The following RORA variants were observed in gnomAD, a reference collection of about 807,000 sequenced individuals.
RORA encodes nuclear receptor ROR-alpha.
In RORA, 7 loss-of-function variants were observed where a neutral mutation model predicts 69.5. That is an observed-to-expected ratio of 0.10 (90% CI 0.06 to 0.19). The LOEUF (loss-of-function observed/expected upper bound fraction) is 0.19, where lower values mean the gene tolerates loss of function less well. Among genes scored for constraint, RORA ranks in the 10% least tolerant of loss-of-function variants. The pLI is 1.00. For missense variants in RORA, 457 were observed against 663.0 expected (o/e 0.69, Z 3.41); for synonymous variants, 261 against 240.8 (o/e 1.08, Z -0.78).
intron 1 of RORA, among the ~76,000 whole-genome samples, chr15:60,852,974 C>G (rs79617268): frequency 0.012 from 1,799 of 152,350 alleles, 23 homozygotes; most frequent in Non-Finnish European, 0.019. Context: ...GCATCTCCCC[C>G]TGAAAGATTG....
chr15:60,940,010 T>G (rs1892644201), intron 1 of RORA, among the ~76,000 whole-genome samples: 2 of 152,230 alleles, frequency 1.3e-5, no homozygotes, highest in African/African-American at 4.8e-5. Flanking sequence ...GGCCATCATG[T>G]CAGCTTTGAG....
intron 1 of RORA, among the ~76,000 whole-genome samples, chr15:61,227,947 T>A (rs1358817792): frequency 2.0e-5 from 3 of 152,054 alleles, no homozygotes; most frequent in Admixed American, 2.0e-4. Context: ...CACATCAGGT[T>A]CCAATACCTT....
At chr15:60,878,048 T>C (rs1412032240) in intron 1 of RORA, among the ~76,000 whole-genome samples, 1 of 151,810 alleles carries the variant, frequency 6.6e-6, no homozygotes, top group Non-Finnish European at 1.5e-5. Context: ...TTTTCCAGCG[T>C]TGGCCAGGTG....
intron 4 of RORA, 84 bp downstream of exon 4, chr15:60,514,532 A>T (rs369414798): frequency 1.5e-6 from 2 of 1,329,552 alleles, no homozygotes; most frequent in African/African-American, 2.9e-5. Flanking sequence ...CAGGCGGGGC[A>T]GATATTGGCA....
At chr15:60,583,364 C>T (rs1443027858) in intron 2 of RORA, among the ~76,000 whole-genome samples, 3 of 152,222 alleles carry the variant, frequency 2.0e-5, no homozygotes, top group African/African-American at 7.2e-5. Context: ...TTTACTTTGT[C>T]GCTGAATAAA....
At chr15:60,870,080 T>C (rs1040421576) in intron 1 of RORA, among the ~76,000 whole-genome samples, 3 of 152,212 alleles carry the variant, frequency 2.0e-5, no homozygotes, top group African/African-American at 4.8e-5. Context: ...CAATCAGACA[T>C]GTGACTAGGC....
At chr15:60,924,700 A>G (rs1249077281) in intron 1 of RORA, among the ~76,000 whole-genome samples, 3 of 152,310 alleles carry the variant, frequency 2.0e-5, no homozygotes, top group East Asian at 1.9e-4. Flanking sequence ...CAGCCAGGCC[A>G]TGTGGTGGAA....
At chr15:60,647,820 G>A (rs2070077308) in intron 2 of RORA, among the ~76,000 whole-genome samples, 1 of 152,192 alleles carries the variant, frequency 6.6e-6, no homozygotes, top group Non-Finnish European at 1.5e-5. Flanking sequence ...GTATCTGGAT[G>A]AACGTGACCA....
intron 2 of RORA, chr15:60,614,847 A>C (rs771565080): frequency 2.0e-6 from 3 of 1,488,978 alleles, no homozygotes; most frequent in Non-Finnish European, 2.8e-6. Flanking sequence ...TGACATGCTT[A>C]CATACATATA....
chr15:60,668,214 A>G lies in RORA; in HGVS notation c.196+10443T>C, dbSNP rs974397973. Among the ~76,000 whole-genome samples the G allele has an allele frequency of 2.5e-4, 38 of 152,158 alleles. 2 individuals carry two copies. The highest frequency in any genetic ancestry group is 2.4e-3 in the Admixed American group (36 of 15,282). ...TTCCTGAGCCCGAATGACAAGTTGAACTACCAATAATGCCTTGCACAATGT... is the reference window on the plus strand; with the variant it reads ...TTCCTGAGCCCGAATGACAAGTTGAGCTACCAATAATGCCTTGCACAATGT... On this transcript the variant is annotated intron_variant, in intron 2 of 10. Transcript: ENST00000335670.
At chr15:60,828,864 T>C (rs1196761312) in intron 1 of RORA, among the ~76,000 whole-genome samples, 1 of 152,186 alleles carries the variant, frequency 6.6e-6, no homozygotes, top group Admixed American at 6.5e-5. Flanking sequence ...AGGTGCAGAA[T>C]TCATTTGCAT....
intron 1 of RORA, among the ~76,000 whole-genome samples, chr15:60,806,462 C>T (rs748359081): frequency 2.0e-5 from 3 of 152,188 alleles, no homozygotes; most frequent in East Asian, 1.9e-4. Context: ...CTTTTAATAT[C>T]GCAGAACTCT....
At chr15:60,744,279 A>G (rs550331055) in intron 1 of RORA, among the ~76,000 whole-genome samples, 8 of 152,214 alleles carry the variant, frequency 5.3e-5, no homozygotes, top group Non-Finnish European at 1.2e-4. Context: ...TTGAAAACCA[A>G]TGTGTGCTTC....
intron 1 of RORA, among the ~76,000 whole-genome samples, chr15:60,787,098 C>T (rs1289368689): frequency 1.3e-5 from 2 of 152,230 alleles, no homozygotes; most frequent in Non-Finnish European, 2.9e-5. Context: ...AGCAAATCTA[C>T]AGCAAGTCAT....
intron 1 of RORA, among the ~76,000 whole-genome samples, chr15:61,120,760 C>CA (rs950579462): frequency 2.0e-4 from 30 of 149,876 alleles, no homozygotes; most frequent in African/African-American, 6.9e-4. Context: ...AAACATGAAT[C>CA]AAAGCCTTAG....
In RORA at chr15:60,937,847, G is replaced by A. The variant is rs528681819; in HGVS notation, c.167-259161C>T. Among the ~76,000 whole-genome samples the A allele has an allele frequency of 7.9e-5, 12 of 152,304 alleles. No individual in the cohort carries two copies. In the South Asian group the frequency reaches 1.0e-3, roughly 13 times the overall value. Reference sequence around the variant, plus strand: ...ATAAACTTGCCTACCTCAGAGGCTCGCAGTTAGGACCAATGAAGATTCTAT... The same window carrying A: ...ATAAACTTGCCTACCTCAGAGGCTCACAGTTAGGACCAATGAAGATTCTAT... On this transcript the variant is annotated intron_variant, in intron 1 of 10. Transcript: ENST00000335670.
At chr15:60,661,119 T>A (rs1001056485) in intron 2 of RORA, among the ~76,000 whole-genome samples, 13 of 150,692 alleles carry the variant, frequency 8.6e-5, no homozygotes, top group African/African-American at 3.2e-4. Context: ...AAGAGCAGAT[T>A]CATCCTGTCC....
intron 2 of RORA, among the ~76,000 whole-genome samples, chr15:60,625,041 T>G (rs769538691): frequency 1.3e-5 from 2 of 152,202 alleles, no homozygotes; most frequent in Non-Finnish European, 2.9e-5. Context: ...CTACTTTTCT[T>G]CGTTTGCAAA....
chr15:61,119,459 A>AAT (rs200617026), intron 1 of RORA, among the ~76,000 whole-genome samples: 34 of 150,220 alleles, frequency 2.3e-4, no homozygotes, highest in Non-Finnish European at 3.0e-4. Flanking sequence ...TATACACACA[A>AAT]ATATATATAT....
Sources: allele counts gnomAD v4.1 joint callset (sites outside exome capture counted in the v4.1 genomes callset), GRCh38; gene constraint gnomAD v4.1.1; transcripts MANE v1.5; gene names NCBI Gene and HGNC (gene_info 2026-07-23, HGNC 2026-07-21).